The following MSI2 variants were observed in gnomAD, a reference collection of about 807,000 sequenced individuals.
MSI2 encodes musashi RNA binding protein 2.
A neutral mutation model predicts 45.6 loss-of-function variants in MSI2; 17 were observed. The ratio of observed to expected loss-of-function variants is 0.37; its 90% CI spans 0.26 to 0.56. MSI2 has a LOEUF of 0.56. Ranked by LOEUF, MSI2 falls within the 20% of genes least tolerant of loss-of-function variation. The pLI, the probability that MSI2 is intolerant of heterozygous loss-of-function variation, is 0.77. For synonymous variants in MSI2, 156 were observed against 158.2 expected (o/e 0.99, Z 0.11); for missense variants, 293 against 444.2 (o/e 0.66, Z 3.06).
chr17:57,534,061 A>G (rs2086874692), intron 7 of MSI2, among the ~76,000 whole-genome samples: 1 of 152,256 alleles, frequency 6.6e-6, no homozygotes, highest in South Asian at 2.1e-4. Flanking sequence ...TTACAACACC[A>G]AGTGCTTAGC....
the MSI2 span, among the ~76,000 whole-genome samples, chr17:57,697,805 G>GC: frequency 7.2e-5 from 11 of 152,134 alleles, no homozygotes; most frequent in Non-Finnish European, 1.3e-4. Context: ...GGGGGAAACC[G>GC]CCCCCATGAT....
At chr17:57,495,532 CAA>C (rs56325646) in intron 6 of MSI2, among the ~76,000 whole-genome samples, 3 of 72,608 alleles carry the variant, frequency 4.1e-5, no homozygotes, top group Non-Finnish European at 7.2e-5. Flanking sequence ...GACTCTGTCT[CAA>C]AAAAAAAAAA....
chr17:57,288,621 C>T (rs191108430), intron 5 of MSI2, among the ~76,000 whole-genome samples: 466 of 152,216 alleles, frequency 3.1e-3, no homozygotes, highest in Non-Finnish European at 4.8e-3. Flanking sequence ...AGGGTGGATC[C>T]CAGTGTCTAG....
At chr17:57,642,966 TGA>T (rs1478749771) in intron 10 of MSI2, among the ~76,000 whole-genome samples, 1 of 152,056 alleles carries the variant, frequency 6.6e-6, no homozygotes, top group Non-Finnish European at 1.5e-5. Flanking sequence ...TCCTGCCCCC[TGA>T]GAGAGTCGCA....
intron 10 of MSI2, among the ~76,000 whole-genome samples, chr17:57,639,106 T>C (rs1440117734): frequency 3.3e-5 from 5 of 152,144 alleles, no homozygotes; most frequent in Non-Finnish European, 7.4e-5. Context: ...TCATGAGGAC[T>C]CCACCCTCAT....
chr17:57,353,795 G>T (rs1219468457), intron 5 of MSI2, among the ~76,000 whole-genome samples: 1 of 152,110 alleles, frequency 6.6e-6, no homozygotes, highest in Non-Finnish European at 1.5e-5. Context: ...ATGGTGCAGG[G>T]GTTGGACTGA....
chr17:57,506,726 G>A (rs2086237430), intron 6 of MSI2, among the ~76,000 whole-genome samples: 1 of 152,220 alleles, frequency 6.6e-6, no homozygotes, highest in South Asian at 2.1e-4. Flanking sequence ...TTCGAGTTGA[G>A]CAAATCTGGA....
chr17:57,401,521 G>A, intron 6 of MSI2, 50 bp downstream of exon 6: 1 of 1,460,940 alleles, frequency 6.8e-7, no homozygotes, highest in East Asian at 2.3e-5. Context: ...AGCCTCATCA[G>A]TCCTAAGAAG....
At chr17:57,507,003 C>G (rs1044827733) in intron 6 of MSI2, among the ~76,000 whole-genome samples, 2 of 152,092 alleles carry the variant, frequency 1.3e-5, no homozygotes, top group African/African-American at 2.4e-5. Context: ...CTTAAAGATG[C>G]TAATTTTGTT....
At chr17:57,259,490 G>C (rs554582864) in intron 4 of MSI2, among the ~76,000 whole-genome samples, 4 of 152,116 alleles carry the variant, frequency 2.6e-5, no homozygotes, top group Non-Finnish European at 5.9e-5. Context: ...GGCAACCTTC[G>C]GTGCACTTGA....
intron 7 of MSI2, among the ~76,000 whole-genome samples, chr17:57,539,837 G>A (rs375499570): frequency 6.6e-5 from 10 of 152,170 alleles, no homozygotes; most frequent in South Asian, 2.1e-4. Flanking sequence ...AAAGTGCTTC[G>A]TAATTCAAGT....
At chr17:57,572,452 G>C (rs1405900020) in intron 7 of MSI2, among the ~76,000 whole-genome samples, 1 of 152,226 alleles carries the variant, frequency 6.6e-6, no homozygotes, top group Non-Finnish European at 1.5e-5. Context: ...CAGAACTCTA[G>C]CTTCTGACGA....
At position 57,257,216 on chromosome 17, in the gene MSI2, G is replaced by GCCCCCCCCCCCCCCCCCC. The variant is rs371473884; in HGVS notation, c.103+91_103+92insCCCCCCCCCCCCCCCCCC. 2 of 190,574 alleles carry GCCCCCCCCCCCCCCCCCC rather than the reference G, an allele frequency of 1.0e-5. 1 individual carries two copies. Among genetic ancestry groups the GCCCCCCCCCCCCCCCCCC allele is most frequent in the African/African-American group, 2.1e-4 (2 of 9,304 alleles). 11.8% of individuals were successfully genotyped at this position (190,574 alleles called of 1,614,324 possible). On this transcript the variant is annotated intron_variant, in intron 2 of 13. Coordinates refer to ENST00000284073, the MANE Select transcript of MSI2 (RefSeq NM_138962.4). ...TGCTCTTTGTTATCCCGGTGTAGGAGCCCCCCCCCCCCCGCCATTGGCTCC... is the reference window on the plus strand; with the variant it reads ...TGCTCTTTGTTATCCCGGTGTAGGAGCCCCCCCCCCCCCCCCCCCCCCCCCCCCCCCGCCATTGGCTCC...
At chr17:57,639,951 T>C (rs1910126316) in intron 10 of MSI2, among the ~76,000 whole-genome samples, 2 of 152,212 alleles carry the variant, frequency 1.3e-5, no homozygotes, top group South Asian at 4.1e-4. Context: ...TCACAGGCCC[T>C]GCCCTAGATG....
chr17:57,492,087 A>T (rs2085883898), intron 6 of MSI2, among the ~76,000 whole-genome samples: 1 of 152,238 alleles, frequency 6.6e-6, no homozygotes, highest in Non-Finnish European at 1.5e-5. Flanking sequence ...ATTAACAAAG[A>T]TGAAAAAGAT....
intron 6 of MSI2, among the ~76,000 whole-genome samples, chr17:57,423,588 C>A (rs1395451229): frequency 6.6e-6 from 1 of 152,188 alleles, no homozygotes; most frequent in Non-Finnish European, 1.5e-5. Flanking sequence ...GAGCTACATC[C>A]CAAGTTGCCC....
At chr17:57,456,616 C>T (rs2085120708) in intron 6 of MSI2, among the ~76,000 whole-genome samples, 1 of 151,708 alleles carries the variant, frequency 6.6e-6, no homozygotes, top group African/African-American at 2.4e-5. Context: ...AAAAAAGGAA[C>T]ACCACAACTG....
At position 57,552,170 on chromosome 17, in the gene MSI2, T is replaced by C. The variant is rs545122647; in HGVS notation, c.454+22446T>C. On this transcript the variant is annotated intron_variant, in intron 7 of 13. Transcript: ENST00000284073. The surrounding 1 kb of genome is among the most constrained non-coding windows in gnomAD (Gnocchi z 4.3). ...GGGCTCTGTCCCCCGACTTCCTCAC[T>C]AGACCCTCAGGCCATCTGGTCGTGA... Among the ~76,000 whole-genome samples, 1 of 152,298 alleles carries C rather than the reference T, an allele frequency of 6.6e-6. No individual in the cohort carries two copies. The highest frequency in any genetic ancestry group is 2.1e-4 in the South Asian group (1 of 4,820).
chr17:57,324,980 AATC>A (rs1913666283), intron 5 of MSI2, among the ~76,000 whole-genome samples: 1 of 152,192 alleles, frequency 6.6e-6, no homozygotes, highest in Admixed American at 6.5e-5. Context: ...GTGCTGCCAA[AATC>A]ACCACTTTGT....
Sources: allele counts gnomAD v4.1 joint callset (sites outside exome capture counted in the v4.1 genomes callset), GRCh38; gene constraint gnomAD v4.1.1; non-coding constraint Gnocchi (gnomAD v3.1); transcripts MANE v1.5; gene names NCBI Gene and HGNC (gene_info 2026-07-23, HGNC 2026-07-21).